GYG1: variants seen among roughly 807,000 people sequenced by gnomAD.
GYG1 encodes the protein glycogenin-1.
In GYG1, 44 loss-of-function variants were observed where a neutral mutation model predicts 41.9. That is an observed-to-expected ratio of 1.05 (90% CI 0.83 to 1.35). The LOEUF (loss-of-function observed/expected upper bound fraction) is 1.35, where lower values mean the gene tolerates loss of function less well. GYG1 is among the 40% of genes most tolerant of loss of function. The pLI is 0.00. For synonymous variants in GYG1, 141 were observed against 158.1 expected, an observed-to-expected ratio of 0.89 and a Z score of 0.81; for missense variants, 429 against 418.9, an observed-to-expected ratio of 1.02 and a Z score of -0.21.
intron 5 of GYG1, among the ~76,000 whole-genome samples, chr3:149,013,800 C>G (rs1410469123): frequency 2.0e-5 from 3 of 152,196 alleles, no homozygotes; most frequent in African/African-American, 7.2e-5. Flanking sequence ...GAGACACCTC[C>G]TTGGCTCCAA....
In GYG1 at chr3:148,998,695, A is replaced by G. The variant is rs568925495; in HGVS notation, c.481+1791A>G. On this transcript the variant is annotated intron_variant, in intron 4 of 7. Coordinates refer to ENST00000345003, the MANE Select transcript of GYG1 (RefSeq NM_004130.4). ...TACTGACATGTTTTTAGCTCCTGCT[A>G]TTTTCCTTTCATAGAAGGAATGAAA... Among the ~76,000 whole-genome samples, 7 of 152,326 alleles carry G rather than the reference A, an allele frequency of 4.6e-5. No individual in the cohort carries two copies. In the East Asian group the frequency reaches 1.2e-3, roughly 25 times the overall value.
At chr3:149,009,158 CAAA>C (rs3043934) in intron 4 of GYG1, 115 bp from the exon 5 acceptor site, 607 of 638,436 alleles carry the variant, frequency 9.5e-4, no homozygotes, top group African/African-American at 1.1e-3. Flanking sequence ...GACTCCGTCT[CAAA>C]AAAAAAAAAA....
chr3:149,013,641 T>C (rs980689878), intron 5 of GYG1, among the ~76,000 whole-genome samples: 3 of 152,234 alleles, frequency 2.0e-5, no homozygotes, highest in African/African-American at 7.2e-5. Flanking sequence ...AGGATATTAA[T>C]ATTTCTTTCT....
At chr3:149,019,068 T>TAAAA (rs67695680) in intron 5 of GYG1, among the ~76,000 whole-genome samples, 215 of 119,084 alleles carry the variant, frequency 1.8e-3, no homozygotes, top group African/African-American at 6.7e-3. Context: ...GACACTGTCT[T>TAAAA]AAAAAAAAAA....
rs1714867561 is a variant in GYG1, at chr3:149,029,985, A to T, written c.*3052A>T. 6.6e-6 allele frequency: 1 copy of T among 152,188 alleles called. No individual in the cohort carries two copies. The highest frequency in any genetic ancestry group is 1.5e-5 in the Non-Finnish European group (1 of 68,032). The allele number at this position is 152,188 out of a possible 1,614,324, so 9.4% of individuals were successfully genotyped here. A position where few individuals can be genotyped will look rare whatever the true frequency, so the allele number is the denominator to read the frequency against. On this transcript the variant is annotated 3_prime_UTR_variant, in exon 8 of 8. Coordinates refer to ENST00000345003, the MANE Select transcript of GYG1 (RefSeq NM_004130.4). ...CAGCTAAATTGAGCAAAATAAAGTT[A>T]GTTAGGATATGAGGACATTATTCTG...
In GYG1 at chr3:149,026,522, T is replaced by C; in HGVS notation, c.879+20T>C. On this transcript the variant is annotated intron_variant, in intron 7 of 7. Coordinates refer to ENST00000345003, the MANE Select transcript of GYG1 (RefSeq NM_004130.4). ...AGAAAGGTATGCAGAACTTAAAGAT[T>C]AACCCTAATTACTTTGTTCTCCCAA... is the stretch of plus-strand genomic sequence containing the variant. 1 of 1,505,004 alleles carries C rather than the reference T, an allele frequency of 6.6e-7. No homozygotes were observed. The highest frequency in any genetic ancestry group is 9.3e-7 in the Non-Finnish European group (1 of 1,080,522). 93.2% of individuals were successfully genotyped at this position (1,505,004 alleles called of 1,614,324 possible).
intron 4 of GYG1, among the ~76,000 whole-genome samples, chr3:148,999,898 C>A (rs187265462): frequency 6.6e-6 from 1 of 152,240 alleles, no homozygotes; most frequent in East Asian, 1.9e-4. Context: ...CAGCTCAGAC[C>A]AGTTTTACAG....
intron 4 of GYG1, chr3:149,008,274 T>C (rs1713517189): frequency 6.6e-6 from 1 of 152,232 alleles, no homozygotes; most frequent in Non-Finnish European, 1.5e-5. Flanking sequence ...AATCTTTAAC[T>C]GGAAATAAAG....
At chr3:149,023,593 G>A (rs75839670) in intron 5 of GYG1, among the ~76,000 whole-genome samples, 141 of 152,294 alleles carry the variant, frequency 9.3e-4, no homozygotes, top group African/African-American at 3.2e-3. Flanking sequence ...GCACTGAACC[G>A]ATGCTACATT....
At chr3:149,020,340 T>C (rs1034385423) in intron 5 of GYG1, among the ~76,000 whole-genome samples, 1 of 152,212 alleles carries the variant, frequency 6.6e-6, no homozygotes, top group African/African-American at 2.4e-5. Flanking sequence ...AATCCATAAA[T>C]TAACAAACGT....
chr3:148,994,062 C>T, intron 1 of GYG1, 80 bp from the exon 2 acceptor site: 2 of 1,275,364 alleles, frequency 1.6e-6, no homozygotes, highest in Non-Finnish European at 2.3e-6. Flanking sequence ...TGCTGAATTA[C>T]TGTTTGAATG....
At chr3:149,001,966 A>G (rs1713116117) in intron 4 of GYG1, among the ~76,000 whole-genome samples, 1 of 152,208 alleles carries the variant, frequency 6.6e-6, no homozygotes, top group Non-Finnish European at 1.5e-5. Context: ...AAATGAAGGA[A>G]TGGAGGCTCA....
Position 149,027,035 on chromosome 3 carries a change from G to A in GYG1, c.*102G>A. On this transcript the variant is annotated 3_prime_UTR_variant, in exon 8 of 8. Coordinates refer to ENST00000345003, the MANE Select transcript of GYG1 (RefSeq NM_004130.4). ...GAAAAGTCTGTTACAGTTGCTAGAG[G>A]TTTTCATTAAAACTTATCAGATGAG... 3.9e-6 allele frequency: 5 copies of A among 1,283,240 alleles called. No individual in the cohort carries two copies. Among genetic ancestry groups the A allele is most frequent in the Non-Finnish European group, 5.7e-6 (5 of 884,600 alleles). The allele number at this position is 1,283,240 out of a possible 1,614,324, so 79.5% of individuals were successfully genotyped here.
In GYG1 at chr3:148,991,611, GC is replaced by G; in HGVS notation, c.-26del. On this transcript the variant is annotated 5_prime_UTR_variant, in exon 1 of 8. Coordinates refer to ENST00000345003, the MANE Select transcript of GYG1 (RefSeq NM_004130.4). ...TTCTCTGAGTCACCAACCTGAGGCT[GC>G]CCCGGCCGCCTGCGCACCCGGCAGC... is the stretch of plus-strand genomic sequence containing the variant. 1 of 1,554,266 alleles carries G rather than the reference GC, an allele frequency of 6.4e-7. No individual in the cohort carries two copies. Among genetic ancestry groups the G allele is most frequent in the African/African-American group, 1.4e-5 (1 of 73,132 alleles).
At chr3:149,021,813 G>A (rs1331231372) in intron 5 of GYG1, among the ~76,000 whole-genome samples, 1 of 151,434 alleles carries the variant, frequency 6.6e-6, no homozygotes. Flanking sequence ...ACACGAGTTT[G>A]TATTATTTTG....
At chr3:149,006,510 C>T (rs766966088) in intron 4 of GYG1, among the ~76,000 whole-genome samples, 4 of 152,124 alleles carry the variant, frequency 2.6e-5, no homozygotes, top group Non-Finnish European at 5.9e-5. Flanking sequence ...TAGTATATAA[C>T]TTTGTGAGAT....
rs1431166663 is a variant in GYG1 at position 149,024,368 on chromosome 3, CAA to C, written c.828+98_828+99del. 1.6e-5 allele frequency: 13 copies of C among 801,392 alleles called. No homozygotes were observed. In the Admixed American group the frequency reaches 1.9e-4, roughly 12 times the overall value. 49.6% of individuals were successfully genotyped at this position (801,392 alleles called of 1,614,324 possible). A position where few individuals can be genotyped will look rare whatever the true frequency, so the allele number is the denominator to read the frequency against. Reference sequence around the variant, plus strand: ...GTGGAATATTTAGCAGCATTTTAAACAAAGAGATAAATAAAATTTTGTGGAAA... The same window carrying C: ...GTGGAATATTTAGCAGCATTTTAAACAGAGATAAATAAAATTTTGTGGAAA... On this transcript the variant is annotated intron_variant, in intron 6 of 7. Coordinates refer to ENST00000345003, the MANE Select transcript of GYG1 (RefSeq NM_004130.4).
In GYG1 at chr3:149,026,924, C is replaced by G; in HGVS notation, c.1044C>G (p.Tyr348Ter). Residue 348 changes from tyrosine (Y) to a stop codon, truncating the protein, a stop_gained, in exon 8 of 8, where the codon TAC (tyrosine) becomes TAG (stop). Coordinates refer to ENST00000345003, the MANE Select transcript of GYG1 (RefSeq NM_004130.4). LOFTEE classifies it high-confidence loss of function. Reference sequence around the variant, plus strand: ...ACATCAAGAGGAAACTTGACACTTACCTCCAGTAGAAACACTGCATTTTTC... The same window carrying G: ...ACATCAAGAGGAAACTTGACACTTAGCTCCAGTAGAAACACTGCATTTTTC... ...FDNIKRKLDT[Y>*]LQ is the part of the protein sequence containing the mutation. 6.2e-7 allele frequency: 1 copy of G among 1,613,740 alleles called. No individual in the cohort carries two copies. The highest frequency in any genetic ancestry group is 8.5e-7 in the Non-Finnish European group (1 of 1,179,606).
chr3:149,002,376 T>A (rs1713140338), intron 4 of GYG1, among the ~76,000 whole-genome samples: 1 of 152,238 alleles, frequency 6.6e-6, no homozygotes, highest in South Asian at 2.1e-4. Context: ...AACTGACATT[T>A]AAGCCAAGAA....
Sources: gnomAD v4.1 joint callset for allele counts (sites outside exome capture counted in the v4.1 genomes callset) on GRCh38, gnomAD v4.1.1 for gene constraint, MANE v1.5 for transcripts, NCBI Gene and HGNC (gene_info 2026-07-23, HGNC 2026-07-21) for gene names.